CASP6: variants seen among roughly 807,000 people sequenced by gnomAD.
CASP6 encodes caspase 6.
A neutral mutation model predicts 31.8 loss-of-function variants in CASP6; 20 were observed. The observed-to-expected ratio is 0.63, with a 90% CI of 0.44 to 0.91. The LOEUF (loss-of-function observed/expected upper bound fraction) is 0.91, where lower values mean the gene tolerates loss of function less well. Among genes scored for constraint, CASP6 ranks in the 40% least tolerant of loss-of-function variants. CASP6 has a pLI of 0.00. For synonymous variants in CASP6, 130 were observed against 127.8 expected (o/e 1.02, Z -0.12); for missense variants, 328 against 361.1 (o/e 0.91, Z 0.74).
chr4:109,706,734 CT>C (rs1212148317), upstream of CASP6, among the ~76,000 whole-genome samples: 1 of 152,150 alleles, frequency 6.6e-6, no homozygotes, highest in African/African-American at 2.4e-5. Flanking sequence ...TGGCAAAACC[CT>C]GTCTCTACTA....
the CASP6 span, among the ~76,000 whole-genome samples, chr4:109,681,019 A>C: frequency 1.2e-4 from 18 of 152,326 alleles, no homozygotes; most frequent in East Asian, 9.6e-4. Context: ...AAAACTCTGA[A>C]ACCGTAACTC....
the CASP6 span, among the ~76,000 whole-genome samples, chr4:109,670,749 G>T: frequency 6.6e-6 from 1 of 151,588 alleles, no homozygotes; most frequent in Non-Finnish European, 1.5e-5. Context: ...AAAAAGAACA[G>T]AATTCTCTGG....
At chr4:109,666,271 G>C in the CASP6 span, among the ~76,000 whole-genome samples, 1 of 152,288 alleles carries the variant, frequency 6.6e-6, no homozygotes, top group South Asian at 2.1e-4. Context: ...CACATGCGCA[G>C]GCTTTTGTTT....
chr4:109,687,659 A>G (rs528082551), downstream of CASP6: 1 of 918,810 alleles, frequency 1.1e-6, no homozygotes, highest in Non-Finnish European at 1.8e-6. Flanking sequence ...GATGTTTTTG[A>G]GTCCCATGGT....
chr4:109,687,989 C>G (rs1472710243), downstream of CASP6: 1 of 158,600 alleles, frequency 6.3e-6, no homozygotes, highest in African/African-American at 2.4e-5. Context: ...AAGCAACCCT[C>G]CTGCCTCAAC....
intron 1 of CASP6, among the ~76,000 whole-genome samples, chr4:109,700,664 A>G (rs5030539): frequency 0.56 from 85,470 of 151,940 alleles, 24,409 homozygotes; most frequent in South Asian, 0.68. Flanking sequence ...GGACATCCCA[A>G]TTCTGATGCT....
Position 109,689,541 on chromosome 4 carries a change from T to C in CASP6, c.671A>G (p.Asn224Ser). The part of the protein sequence containing the change: ...EGYYSHRETV[N>S]GSWYIQDLCE... The stretch of plus-strand genomic sequence containing the variant: ...CAAATCTTGAATGTACCATGAGCCG[T>C]TCACAGTTTCCCGGTGAGAATAATA... The change falls in exon 7 of 7, where the codon AAC (asparagine) becomes AGC (serine). Residue 224 changes from asparagine to serine, a missense_variant. Coordinates refer to ENST00000265164, the MANE Select transcript of CASP6 (RefSeq NM_001226.4). 1 of 1,614,174 alleles carries C rather than the reference T, an allele frequency of 6.2e-7. No homozygotes were observed. The highest frequency in any genetic ancestry group is 8.5e-7 in the Non-Finnish European group (1 of 1,180,028).
chr4:109,695,867 A>G (rs934712282), intron 4 of CASP6, among the ~76,000 whole-genome samples: 1 of 152,214 alleles, frequency 6.6e-6, no homozygotes, highest in African/African-American at 2.4e-5. Context: ...AAAAGCAGCC[A>G]AAGTTAGAAT....
chr4:109,684,115 T>C (rs990230984), downstream of CASP6, among the ~76,000 whole-genome samples: 2 of 143,738 alleles, frequency 1.4e-5, no homozygotes, highest in African/African-American at 5.8e-5. Flanking sequence ...CAGGCTGGAG[T>C]GCAGTGGAGT....
chr4:109,677,588 G>A, the CASP6 span, among the ~76,000 whole-genome samples: 2 of 152,174 alleles, frequency 1.3e-5, no homozygotes, highest in East Asian at 1.9e-4. Context: ...GAGGACCAAC[G>A]TGAGTGGATT....
At chr4:109,691,255 T>C (rs1425610341) in intron 5 of CASP6, among the ~76,000 whole-genome samples, 1 of 152,200 alleles carries the variant, frequency 6.6e-6, no homozygotes, top group Non-Finnish European at 1.5e-5. Flanking sequence ...TCAAATTATG[T>C]TGGTAGAAGG....
downstream of CASP6, chr4:109,684,403 T>C (rs17040722): frequency 1.1e-3 from 1,640 of 1,499,986 alleles, 11 homozygotes; most frequent in African/African-American, 0.019. Context: ...TTAGTTGGTG[T>C]ATTTGTAAAC....
chr4:109,689,807 A>C (rs780159574), intron 6 of CASP6, among the ~76,000 whole-genome samples: 10 of 152,206 alleles, frequency 6.6e-5, no homozygotes, highest in Non-Finnish European at 1.2e-4. Context: ...TTCCTAAAAA[A>C]TTCCCAAGAT....
At chr4:109,673,050 A>T in the CASP6 span, among the ~76,000 whole-genome samples, 1 of 152,240 alleles carries the variant, frequency 6.6e-6, no homozygotes, top group South Asian at 2.1e-4. Context: ...TCATTTCAAC[A>T]CTTACAAACT....
upstream of CASP6, among the ~76,000 whole-genome samples, chr4:109,705,637 G>A (rs1287642190): frequency 1.3e-5 from 2 of 151,718 alleles, no homozygotes; most frequent in African/African-American, 4.8e-5. Flanking sequence ...ATCCACTTAC[G>A]GTATGTAACT....
chr4:109,679,861 G>A, the CASP6 span, among the ~76,000 whole-genome samples: 1 of 152,108 alleles, frequency 6.6e-6, no homozygotes, highest in East Asian at 1.9e-4. Context: ...GAGTGCAGTG[G>A]TGCAATCTCG....
chr4:109,664,891 G>A, the CASP6 span, among the ~76,000 whole-genome samples: 531 of 152,026 alleles, frequency 3.5e-3, 3 homozygotes, highest in Middle Eastern at 6.8e-3. Flanking sequence ...AGAGAGGTAG[G>A]CCTGAAAATC....
upstream of CASP6, among the ~76,000 whole-genome samples, chr4:109,704,725 G>A (rs1730545996): frequency 6.6e-6 from 1 of 152,204 alleles, no homozygotes; most frequent in Admixed American, 6.5e-5. Flanking sequence ...ACAATCTTTT[G>A]TTTTTGAGAC....
intron 1 of CASP6, among the ~76,000 whole-genome samples, chr4:109,702,500 A>G (rs1286815980): frequency 6.6e-6 from 1 of 151,902 alleles, no homozygotes; most frequent in Admixed American, 6.6e-5. Flanking sequence ...TATTTTTAGT[A>G]GAGACGGGGT....
Sources: allele counts gnomAD v4.1 joint callset (sites outside exome capture counted in the v4.1 genomes callset), GRCh38; gene constraint gnomAD v4.1.1; transcripts MANE v1.5; gene names NCBI Gene and HGNC (gene_info 2026-07-23, HGNC 2026-07-21).